The following ARID1B variants were observed in gnomAD, a reference collection of about 807,000 sequenced individuals.
ARID1B encodes AT-rich interactive domain-containing protein 1B.
A neutral mutation model predicts 212.3 loss-of-function variants in ARID1B; 30 were observed. The observed-to-expected ratio is 0.14, with a 90% CI of 0.11 to 0.19. ARID1B has a LOEUF of 0.19. ARID1B is among the 10% of genes least tolerant of loss of function. ARID1B has a pLI of 1.00. For missense variants in ARID1B, 2,891 were observed against 3,204.0 expected, an observed-to-expected ratio of 0.90 and a Z score of 2.36; for synonymous variants, 1,402 against 1,301.7, an observed-to-expected ratio of 1.08 and a Z score of -1.66.
At chr6:156,907,372 A>G (rs1266651819) in intron 3 of ARID1B, among the ~76,000 whole-genome samples, 1 of 152,174 alleles carries the variant, frequency 6.6e-6, no homozygotes, top group Non-Finnish European at 1.5e-5. Flanking sequence ...CTTTGTATGT[A>G]TTGAGATGAT....
intron 1 of ARID1B, among the ~76,000 whole-genome samples, chr6:156,825,677 C>T (rs916520818): frequency 3.3e-5 from 5 of 152,172 alleles, no homozygotes; most frequent in Admixed American, 2.0e-4. Flanking sequence ...AATAAGTAGA[C>T]GTTTCCTGTG....
chr6:156,836,888 C>T (rs1418663545), intron 2 of ARID1B, among the ~76,000 whole-genome samples: 1 of 151,404 alleles, frequency 6.6e-6, no homozygotes, highest in Non-Finnish European at 1.5e-5. Context: ...TGGTTTTGAA[C>T]TTCAGGACTC....
intron 4 of ARID1B, among the ~76,000 whole-genome samples, chr6:156,970,511 T>G (rs897994497): frequency 6.6e-6 from 1 of 152,246 alleles, no homozygotes; most frequent in Non-Finnish European, 1.5e-5. Context: ...TAACCAAGAT[T>G]ACTGAGTCTG....
intron 4 of ARID1B, among the ~76,000 whole-genome samples, chr6:156,980,455 C>A (rs1184057196): frequency 6.6e-6 from 1 of 152,068 alleles, no homozygotes; most frequent in Admixed American, 6.6e-5. Context: ...TGCACTCCAG[C>A]CTGGGCGACA....
At chr6:156,901,126 ATAT>A (rs2128210285) in intron 2 of ARID1B, among the ~76,000 whole-genome samples, 1 of 152,190 alleles carries the variant, frequency 6.6e-6, no homozygotes, top group East Asian at 1.9e-4. Context: ...CACCTTTATG[ATAT>A]TATCAATAGT....
intron 6 of ARID1B, among the ~76,000 whole-genome samples, chr6:157,112,994 T>C (rs1225026993): frequency 6.6e-6 from 1 of 151,566 alleles, no homozygotes; most frequent in Non-Finnish European, 1.5e-5. Flanking sequence ...CGATCTCAGC[T>C]CACTGCAACC....
chr6:157,077,555 C>T (rs1370837704), intron 4 of ARID1B, among the ~76,000 whole-genome samples: 3 of 152,208 alleles, frequency 2.0e-5, no homozygotes, highest in Non-Finnish European at 2.9e-5. Flanking sequence ...CCCTCTGCTT[C>T]CTGTCTCTTT....
At position 156,829,305 on chromosome 6, in the gene ARID1B, C is replaced by A. The variant is rs754167205; in HGVS notation, c.1870C>A (p.Gln624Lys). 1.9e-6 allele frequency: 3 copies of A among 1,614,242 alleles called. No homozygotes were observed. Among genetic ancestry groups the A allele is most frequent in the Non-Finnish European group, 1.7e-6 (2 of 1,180,042 alleles). The stretch of plus-strand genomic sequence containing the variant: ...CAGTAACCCTCATTCTCAGCCTCAG[C>A]AGAGCAGTCCGTACCCAGGAGGTTC... Reference protein sequence around the residue: ...MGSNPHSQPQQSSPYPGGSYG... With the variant: ...MGSNPHSQPQKSSPYPGGSYG... The change falls in exon 2 of 20, where the codon CAG becomes AAG. Residue 624 changes from glutamine to lysine, a missense_variant. Physicochemically the swap from Gln to Lys is moderately conservative, Grantham distance 53. Around this residue, in one of 7 missense-constraint regions of ARID1B, gnomAD observed 1,643 missense variants for 1,544.0 expected, o/e 1.06. Transcript: ENST00000636930.
At chr6:157,030,749 A>G (rs1780969055) in intron 4 of ARID1B, among the ~76,000 whole-genome samples, 1 of 152,212 alleles carries the variant, frequency 6.6e-6, no homozygotes, top group Admixed American at 6.5e-5. Flanking sequence ...CACCGCCTTG[A>G]AATTGTGTCT....
intron 2 of ARID1B, among the ~76,000 whole-genome samples, chr6:156,879,160 A>G (rs1583203107): frequency 6.6e-6 from 1 of 152,202 alleles, no homozygotes; most frequent in Non-Finnish European, 1.5e-5. Context: ...ACGCACTCGG[A>G]GCCTCTTCCA....
chr6:157,168,058 T>C (rs1395128148), intron 9 of ARID1B: 1 of 152,260 alleles, frequency 6.6e-6, no homozygotes, highest in African/African-American at 2.4e-5. Context: ...GCGTTAGGAA[T>C]GCATGGGACA....
At position 156,778,297 on chromosome 6, in the gene ARID1B, AGC is replaced by A; in HGVS notation, c.618_619del (p.Gln207AlafsTer107). 6.5e-7 allele frequency: 1 copy of A among 1,543,762 alleles called. No homozygotes were observed. On this transcript the variant is annotated frameshift_variant, in exon 1 of 20. Transcript: ENST00000636930. LOFTEE classifies it high-confidence loss of function. ...CAGCAGCAGCAGCAGCAGCAACAGC[AGC>A]AGCAGCAGCAGCAGCAACAGCAACA... is the stretch of plus-strand genomic sequence containing the variant.
intron 1 of ARID1B, among the ~76,000 whole-genome samples, chr6:156,801,471 T>C (rs2115347693): frequency 6.6e-6 from 1 of 152,272 alleles, no homozygotes; most frequent in South Asian, 2.1e-4. Context: ...AGTGCTGGGA[T>C]TACAGGTGTG....
rs112983063 is a variant in ARID1B at position 157,017,963 on chromosome 6, C to CAAAAAA, written c.2248-66685_2248-66680dup. On this transcript the variant is annotated intron_variant, in intron 4 of 19. Transcript: ENST00000636930. Reference sequence around the variant, plus strand: ...TGGGCAACATGAGACACCATCTCTACAAAAAAAAAAAAAAAAAAATTAGCT... The same window carrying CAAAAAA: ...TGGGCAACATGAGACACCATCTCTACAAAAAAAAAAAAAAAAAAAAAAAAATTAGCT... Among the ~76,000 whole-genome samples the CAAAAAA allele has an allele frequency of 3.7e-4, 36 of 97,224 alleles. 1 individual carries two copies. The highest frequency in any genetic ancestry group is 1.1e-3 in the African/African-American group (29 of 26,452). The allele number at this position is 97,224 out of a possible 152,430, so 63.8% of individuals were successfully genotyped here. A position where few individuals can be genotyped will look rare whatever the true frequency, so the allele number is the denominator to read the frequency against.
chr6:156,931,775 C>T (rs1791737731), intron 3 of ARID1B, among the ~76,000 whole-genome samples: 2 of 151,924 alleles, frequency 1.3e-5, no homozygotes, highest in African/African-American at 4.8e-5. Flanking sequence ...CCAGCCTGAC[C>T]AACATGGAGA....
In ARID1B at chr6:157,200,741, C is replaced by G. The variant is rs2128372286; in HGVS notation, c.4516C>G (p.Pro1506Ala). The change falls in exon 18 of 20, where the codon CCA (proline) becomes GCA (alanine). Residue 1506 changes from proline (P) to alanine (A), a missense_variant. By Grantham distance (27) the Pro-to-Ala change is conservative. This residue lies in a region of ARID1B where 666 missense variants were observed against 873.5 expected (regional missense o/e 0.76). Transcript: ENST00000636930. This position sits in a 1 kb window ranked among gnomAD's most constrained non-coding sequence, Gnocchi z 4.3. Reference protein sequence around the residue: ...KRHMDGMYGPPAKRHEGDMYN... With the variant: ...KRHMDGMYGPAAKRHEGDMYN... ...CCATATGGACGGCATGTACGGGCCCCCAGCCAAGCGCCACGAGGGCGACAT... is the reference window on the plus strand; with the variant it reads ...CCATATGGACGGCATGTACGGGCCCGCAGCCAAGCGCCACGAGGGCGACAT... 6.2e-7 allele frequency: 1 copy of G among 1,613,284 alleles called. No homozygotes were observed. Among genetic ancestry groups the G allele is most frequent in the African/African-American group, 1.3e-5 (1 of 75,038 alleles).
intron 3 of ARID1B, among the ~76,000 whole-genome samples, chr6:156,905,194 A>T (rs1236224883): frequency 6.6e-6 from 1 of 151,628 alleles, no homozygotes; most frequent in Non-Finnish European, 1.5e-5. Flanking sequence ...ACTCCAGAGG[A>T]CTGGAATCAA....
chr6:157,137,182 AAAAAT>A (rs960666870), intron 7 of ARID1B, among the ~76,000 whole-genome samples: 11 of 152,188 alleles, frequency 7.2e-5, no homozygotes, highest in East Asian at 1.9e-4. Flanking sequence ...CCCTGTCGCA[AAAAAT>A]AAAATAAAAT....
intron 4 of ARID1B, among the ~76,000 whole-genome samples, chr6:157,029,396 A>T (rs1780886702): frequency 6.6e-6 from 1 of 152,240 alleles, no homozygotes. Flanking sequence ...TATAGTCTTT[A>T]GCGCATTCAT....
Sources: gnomAD v4.1 joint callset for allele counts (sites outside exome capture counted in the v4.1 genomes callset) on GRCh38, gnomAD v4.1.1 for gene constraint, gnomAD v4.1.1 regional missense constraint, Gnocchi (gnomAD v3.1) non-coding constraint, MANE v1.5 for transcripts, NCBI Gene and HGNC (gene_info 2026-07-23, HGNC 2026-07-21) for gene names.